Variants in ERC1 observed in about 807,000 individuals in gnomAD.
ERC1 encodes the protein RAB6 interacting protein 2.
A neutral mutation model predicts 132.0 loss-of-function variants in ERC1; 56 were observed. The observed-to-expected ratio is 0.42, with a 90% confidence interval of 0.34 to 0.53. The LOEUF is 0.53. ERC1 is among the 20% of genes least tolerant of loss of function. The pLI is 0.03. For synonymous variants in ERC1, 478 were observed against 476.1 expected (o/e 1.00, Z -0.05); for missense variants, 1,202 against 1,349.9 (o/e 0.89, Z 1.72).
intron 16 of ERC1, among the ~76,000 whole-genome samples, chr12:1,389,251 A>T (rs1232395373): frequency 3.9e-5 from 6 of 152,228 alleles, no homozygotes; most frequent in African/African-American, 1.2e-4. Flanking sequence ...ACCCAAATAG[A>T]TACATCAAGA....
At chr12:1,485,349 C>T (rs1011271858) in intron 18 of ERC1, among the ~76,000 whole-genome samples, 1 of 151,474 alleles carries the variant, frequency 6.6e-6, no homozygotes, top group Non-Finnish European at 1.5e-5. Flanking sequence ...GGATTATAGG[C>T]GCCCGCCACC....
chr12:1,098,178 T>A (rs531224985), intron 3 of ERC1, among the ~76,000 whole-genome samples: 12 of 152,236 alleles, frequency 7.9e-5, no homozygotes, highest in African/African-American at 2.4e-4. Flanking sequence ...CTCTCAAGGA[T>A]CATAGTCCTG....
chr12:996,343 CCG>C (rs1475116227), intron 1 of ERC1, among the ~76,000 whole-genome samples: 2 of 144,294 alleles, frequency 1.4e-5, no homozygotes, highest in African/African-American at 5.2e-5. Flanking sequence ...ACCTCATGAT[CCG>C]CGCGCCTTGG....
At chr12:1,050,791 G>A (rs531532720) in intron 2 of ERC1, among the ~76,000 whole-genome samples, 58 of 152,136 alleles carry the variant, frequency 3.8e-4, no homozygotes, top group African/African-American at 1.3e-3. Context: ...TGATCACGAG[G>A]TGAAGGAATC....
intron 6 of ERC1, 153 bp from the exon 7 acceptor site, chr12:1,115,713 C>G: frequency 1.7e-6 from 1 of 598,774 alleles, no homozygotes; most frequent in Admixed American, 3.5e-5. Flanking sequence ...TGGGGAGATC[C>G]AAGGTTATGT....
chr12:1,050,470 T>C (rs1971750193), intron 2 of ERC1, among the ~76,000 whole-genome samples: 1 of 152,212 alleles, frequency 6.6e-6, no homozygotes, highest in African/African-American at 2.4e-5. Flanking sequence ...GAGCACTTGT[T>C]AAAATTTCTG....
intron 1 of ERC1, among the ~76,000 whole-genome samples, chr12:1,022,989 G>A (rs1301937382): frequency 6.6e-6 from 1 of 152,156 alleles, no homozygotes. Flanking sequence ...TGTGAAGAAG[G>A]ATGTGTTTGC....
intron 1 of ERC1, among the ~76,000 whole-genome samples, chr12:1,026,530 G>A (rs559864762): frequency 6.6e-6 from 1 of 152,288 alleles, no homozygotes; most frequent in Admixed American, 6.5e-5. Flanking sequence ...AACCTTGCAG[G>A]TCAGATGTGG....
At chr12:1,184,863 C>T (rs897833898) in intron 11 of ERC1, among the ~76,000 whole-genome samples, 2 of 152,144 alleles carry the variant, frequency 1.3e-5, no homozygotes, top group Non-Finnish European at 2.9e-5. Flanking sequence ...AGTGATCTTC[C>T]TGCCTCATCC....
chr12:1,263,608 G>C (rs751342129), intron 14 of ERC1, among the ~76,000 whole-genome samples: 1 of 152,184 alleles, frequency 6.6e-6, no homozygotes, highest in Non-Finnish European at 1.5e-5. Context: ...AATGGAGCTT[G>C]TCTGTCTGCT....
chr12:1,061,715 CCCCATATCT>C (rs903693170), intron 2 of ERC1, among the ~76,000 whole-genome samples: 11 of 151,808 alleles, frequency 7.2e-5, no homozygotes, highest in African/African-American at 2.7e-4. Flanking sequence ...CTCTCTCCCC[CCCCATATCT>C]CCATATCTCC....
At chr12:1,487,673 C>G (rs1565538866) in intron 18 of ERC1, among the ~76,000 whole-genome samples, 2 of 148,188 alleles carry the variant, frequency 1.3e-5, no homozygotes, top group African/African-American at 4.9e-5. Flanking sequence ...TGAGCCTGAT[C>G]AAACCATTGC....
intron 18 of ERC1, among the ~76,000 whole-genome samples, chr12:1,450,870 A>G (rs978442127): frequency 6.6e-5 from 10 of 152,208 alleles, no homozygotes; most frequent in African/African-American, 2.2e-4. Context: ...GTAAGGTGGC[A>G]TCACATAGTT....
In ERC1 at chr12:1,493,505, C is replaced by T. The variant is rs1474272079; in HGVS notation, c.*3275C>T. ...TGAGCCGAGATCGTGTCACTGCACTCCAGCCTGGGTGACAGAGACTCCATT... is the reference window on the plus strand; with the variant it reads ...TGAGCCGAGATCGTGTCACTGCACTTCAGCCTGGGTGACAGAGACTCCATT... On this transcript the variant is annotated 3_prime_UTR_variant, in exon 19 of 19. Coordinates refer to ENST00000360905, the MANE Select transcript of ERC1 (RefSeq NM_178040.4). The T allele has an allele frequency of 2.7e-4, 36 of 131,894 alleles. No individual in the cohort carries two copies. The highest frequency in any genetic ancestry group is 9.4e-4 in the African/African-American group (33 of 35,172). 8.2% of individuals were successfully genotyped at this position (131,894 alleles called of 1,614,324 possible).
intron 14 of ERC1, among the ~76,000 whole-genome samples, chr12:1,268,354 A>C (rs2077603190): frequency 1.3e-5 from 2 of 152,248 alleles, no homozygotes; most frequent in Admixed American, 1.3e-4. Context: ...CTAACATTTA[A>C]AAAAATCTTG....
chr12:1,000,588 C>T (rs773158462), intron 1 of ERC1, among the ~76,000 whole-genome samples: 10 of 151,606 alleles, frequency 6.6e-5, no homozygotes, highest in Non-Finnish European at 1.2e-4. Flanking sequence ...CATGGTGAAA[C>T]CCCGTCTCTA....
At chr12:1,478,735 G>A (rs1287793872) in intron 18 of ERC1, among the ~76,000 whole-genome samples, 2 of 151,578 alleles carry the variant, frequency 1.3e-5, no homozygotes. Flanking sequence ...CTTGCAGTGA[G>A]CCAAGATCGC....
intron 12 of ERC1, among the ~76,000 whole-genome samples, chr12:1,235,843 C>T (rs1442311900): frequency 6.6e-6 from 1 of 152,066 alleles, no homozygotes; most frequent in African/African-American, 2.4e-5. Context: ...ATATTCCTGC[C>T]CAGGTATATC....
At chr12:1,167,178 T>C (rs1466085573) in intron 8 of ERC1, among the ~76,000 whole-genome samples, 1 of 152,232 alleles carries the variant, frequency 6.6e-6, no homozygotes. Context: ...TGTTCTTAGT[T>C]GTTTCTCAGG....
Sources: gnomAD v4.1 joint callset for allele counts (sites outside exome capture counted in the v4.1 genomes callset) on GRCh38, gnomAD v4.1.1 for gene constraint, MANE v1.5 for transcripts, NCBI Gene and HGNC (gene_info 2026-07-23, HGNC 2026-07-21) for gene names.